FMN1: variants seen among roughly 807,000 people sequenced by gnomAD.
The protein encoded by FMN1 is formin 1.
Under a neutral mutation model 132.4 loss-of-function variants are expected in FMN1, and 110 were observed. The observed-to-expected ratio is 0.83, with a 90% CI of 0.71 to 0.97. FMN1 has a LOEUF of 0.97. FMN1 is among the 50% of genes least tolerant of loss of function. The pLI is 0.00. For synonymous variants in FMN1, 722 were observed against 651.7 expected (o/e 1.11, Z -1.64); for missense variants, 1,792 against 1,705.3 (o/e 1.05, Z -0.90).
intron 9 of FMN1, among the ~76,000 whole-genome samples, chr15:32,942,203 T>A (rs558783116): frequency 6.6e-6 from 1 of 152,348 alleles, no homozygotes; most frequent in South Asian, 2.1e-4. Context: ...TGTCTAAACC[T>A]GTACATTAAG....
rs543965404 is a variant in FMN1 at position 33,018,016 on chromosome 15, G to C, written c.2162-9941C>G. ...GGAGGTGGAGGTTGCAGTGAGCCGA[G>C]ATCACACCACTGCACTCCAGCCTGG... On this transcript the variant is annotated intron_variant, in intron 6 of 20. Coordinates refer to ENST00000616417, the MANE Select transcript of FMN1 (RefSeq NM_001277313.2). Among the ~76,000 whole-genome samples the C allele has an allele frequency of 4.4e-3, 650 of 149,102 alleles. 11 individuals carry two copies. The highest frequency in any genetic ancestry group is 0.015 in the African/African-American group (624 of 40,262).
intron 20 of FMN1, 123 bp downstream of exon 20, chr15:32,776,712 A>G (rs1282071411): frequency 1.9e-6 from 1 of 516,158 alleles, no homozygotes; most frequent in Non-Finnish European, 3.4e-6. Context: ...TTTTAACCAT[A>G]TGCTACTCTG....
intron 19 of FMN1, among the ~76,000 whole-genome samples, chr15:32,781,063 A>C (rs1419466478): frequency 6.6e-6 from 1 of 152,232 alleles, no homozygotes; most frequent in Non-Finnish European, 1.5e-5. Flanking sequence ...GTAATACTTC[A>C]TTTTTAAACT....
intron 16 of FMN1, among the ~76,000 whole-genome samples, chr15:32,884,688 C>T (rs951399712): frequency 1.2e-4 from 19 of 152,260 alleles, no homozygotes; most frequent in Admixed American, 1.0e-3. Flanking sequence ...GTAACTATTG[C>T]CATTGTTTGT....
At chr15:32,932,490 G>A (rs1192855710) in intron 9 of FMN1, among the ~76,000 whole-genome samples, 4 of 152,176 alleles carry the variant, frequency 2.6e-5, no homozygotes, top group Admixed American at 2.0e-4. Context: ...TTTGGCTTTG[G>A]TATCAGAGTA....
Position 32,805,176 on chromosome 15 carries a change from CCTGA to C in FMN1, c.3929-848_3929-845del, listed in dbSNP as rs558557400. The stretch of plus-strand genomic sequence containing the variant: ...ACACCTTCTCCAGCATCTGTTGTTT[CCTGA>C]CTTTTTAGTGATCGCCATTCTAACT... On this transcript the variant is annotated intron_variant, in intron 17 of 20. Transcript: ENST00000616417. 7.7e-4 allele frequency among the ~76,000 whole-genome samples: 118 copies of C among 152,258 alleles called. 1 individual carries two copies. The South Asian group carries it at 0.021, about 27-fold the overall frequency.
chr15:32,979,248 G>C (rs1015186282), intron 7 of FMN1, among the ~76,000 whole-genome samples: 17 of 152,096 alleles, frequency 1.1e-4, no homozygotes, highest in Non-Finnish European at 2.1e-4. Flanking sequence ...CAAAGTACCA[G>C]ATCCTGTGGA....
At chr15:32,923,765 C>T (rs10519766) in intron 10 of FMN1, among the ~76,000 whole-genome samples, 6,703 of 152,312 alleles carry the variant, frequency 0.044, 208 homozygotes, top group East Asian at 0.12. Context: ...GAGCTGGTAA[C>T]TGGACTATCA....
chr15:33,167,236 G>A (rs1965144836), intron 3 of FMN1, among the ~76,000 whole-genome samples: 1 of 152,204 alleles, frequency 6.6e-6, no homozygotes, highest in South Asian at 2.1e-4. Flanking sequence ...TCCCAATACT[G>A]TTCTCATGGT....
intron 6 of FMN1, among the ~76,000 whole-genome samples, chr15:33,018,263 C>G (rs1360487883): frequency 6.6e-6 from 1 of 151,932 alleles, no homozygotes; most frequent in Non-Finnish European, 1.5e-5. Context: ...TTACACTTTC[C>G]AAAGTGATGT....
At chr15:33,030,578 A>C (rs1319593289) in intron 6 of FMN1, among the ~76,000 whole-genome samples, 1 of 152,200 alleles carries the variant, frequency 6.6e-6, no homozygotes, top group Non-Finnish European at 1.5e-5. Context: ...GATAACACTA[A>C]AATAGAATTT....
At chr15:32,801,436 C>T (rs2057474120) in intron 18 of FMN1, among the ~76,000 whole-genome samples, 1 of 152,118 alleles carries the variant, frequency 6.6e-6, no homozygotes. Context: ...GGCTTTGGCA[C>T]TCAGCAGCTT....
At chr15:33,155,090 C>A (rs1964619008) in intron 3 of FMN1, 45 bp from the exon 4 acceptor site, 1 of 579,202 alleles carries the variant, frequency 1.7e-6, no homozygotes, top group African/African-American at 1.9e-5. Context: ...TAACAGAGTG[C>A]ATAAATCACA....
intron 4 of FMN1, among the ~76,000 whole-genome samples, chr15:33,104,918 G>C (rs1292761676): frequency 2.0e-5 from 3 of 152,098 alleles, no homozygotes; most frequent in African/African-American, 7.2e-5. Context: ...GCAAAAAGCT[G>C]AATCTAATTG....
At chr15:33,028,604 C>G (rs368331899) in intron 6 of FMN1, among the ~76,000 whole-genome samples, 14 of 152,234 alleles carry the variant, frequency 9.2e-5, no homozygotes, top group East Asian at 5.8e-4. Context: ...ACTGGCAAAA[C>G]TCAAGATAAT....
At chr15:32,823,943 A>AG (rs1555465064) in intron 17 of FMN1, among the ~76,000 whole-genome samples, 1 of 152,250 alleles carries the variant, frequency 6.6e-6, no homozygotes, top group Admixed American at 6.5e-5. Context: ...AACATAGGGA[A>AG]GACCACATTG....
chr15:32,822,837 A>T (rs1219500433), intron 17 of FMN1, among the ~76,000 whole-genome samples: 1 of 152,222 alleles, frequency 6.6e-6, no homozygotes, highest in African/African-American at 2.4e-5. Flanking sequence ...TATAAAACAC[A>T]CATGTTCTGA....
chr15:32,964,472 A>G (rs1282127440), intron 8 of FMN1, among the ~76,000 whole-genome samples: 1 of 152,250 alleles, frequency 6.6e-6, no homozygotes, highest in East Asian at 1.9e-4. Flanking sequence ...ATTTCCAAAA[A>G]AGTAATTGTC....
intron 12 of FMN1, 74 bp from the exon 13 acceptor site, chr15:32,902,114 C>G: frequency 5.2e-6 from 7 of 1,352,612 alleles, no homozygotes; most frequent in Non-Finnish European, 7.2e-6. Flanking sequence ...TGAAAAAGAC[C>G]CACTTTGGGA....
Sources: allele counts gnomAD v4.1 joint callset (sites outside exome capture counted in the v4.1 genomes callset), GRCh38; gene constraint gnomAD v4.1.1; transcripts MANE v1.5; gene names NCBI Gene and HGNC (gene_info 2026-07-23, HGNC 2026-07-21).